Variants in PRTFDC1 observed in about 807,000 individuals in gnomAD.
PRTFDC1 encodes phosphoribosyltransferase domain-containing protein 1.
A neutral mutation model predicts 34.6 loss-of-function variants in PRTFDC1; 38 were observed. The observed-to-expected ratio is 1.10, with a 90% CI of 0.85 to 1.44. PRTFDC1 has a LOEUF of 1.44. Among genes scored for constraint, PRTFDC1 ranks in the 40% most tolerant of loss-of-function variants. The pLI is 0.00. For missense variants in PRTFDC1, 270 were observed against 283.0 expected, an observed-to-expected ratio of 0.95 and a Z score of 0.33; for synonymous variants, 93 against 98.1, an observed-to-expected ratio of 0.95 and a Z score of 0.31.
chr10:24,886,991 T>A, intron 3 of PRTFDC1, among the ~76,000 whole-genome samples: 1 of 125,810 alleles, frequency 7.9e-6, no homozygotes, highest in East Asian at 2.2e-4. Flanking sequence ...TGAGACGGAG[T>A]CTCGCTCTGT....
intron 3 of PRTFDC1, among the ~76,000 whole-genome samples, chr10:24,921,163 C>T (rs1848781373): frequency 6.6e-6 from 1 of 151,884 alleles, no homozygotes; most frequent in African/African-American, 2.4e-5. Context: ...GCTCAGATAT[C>T]GCTGGAGTAA....
At chr10:24,908,949 G>A (rs987075008) in intron 3 of PRTFDC1, 1 of 384,382 alleles carries the variant, frequency 2.6e-6, no homozygotes, top group Non-Finnish European at 4.6e-6. Context: ...TCTAAACAAG[G>A]CATCCAACCT....
intron 3 of PRTFDC1, chr10:24,908,270 T>C: frequency 1.9e-6 from 1 of 524,500 alleles, no homozygotes; most frequent in Non-Finnish European, 3.3e-6. Flanking sequence ...CCTCTGTCTT[T>C]TACGGAATAA....
intron 3 of PRTFDC1, among the ~76,000 whole-genome samples, chr10:24,916,133 C>A (rs1011049060): frequency 6.6e-6 from 1 of 152,164 alleles, no homozygotes; most frequent in Non-Finnish European, 1.5e-5. Flanking sequence ...TCAATGTCCA[C>A]TAATGTAAAA....
At chr10:24,940,208 T>G (rs1469112142) in intron 2 of PRTFDC1, among the ~76,000 whole-genome samples, 1 of 152,170 alleles carries the variant, frequency 6.6e-6, no homozygotes, top group East Asian at 1.9e-4. Context: ...TGGATCTAAT[T>G]AACACATATA....
intron 3 of PRTFDC1, among the ~76,000 whole-genome samples, chr10:24,884,620 T>G (rs1328158193): frequency 2.0e-5 from 3 of 152,244 alleles, no homozygotes; most frequent in Non-Finnish European, 1.5e-5. Flanking sequence ...GAAGAAGATT[T>G]TCTTTAGAAA....
chr10:24,874,721 C>T (rs1426007388), intron 3 of PRTFDC1, among the ~76,000 whole-genome samples: 1 of 152,174 alleles, frequency 6.6e-6, no homozygotes, highest in Admixed American at 6.5e-5. Context: ...TCCAAGTGTA[C>T]AAACGTGTTT....
At chr10:24,901,964 C>A (rs1327312505) in intron 3 of PRTFDC1, among the ~76,000 whole-genome samples, 2 of 152,188 alleles carry the variant, frequency 1.3e-5, no homozygotes, top group African/African-American at 2.4e-5. Flanking sequence ...AAGCCCCTTG[C>A]TGCAATTCCT....
intron 6 of PRTFDC1, among the ~76,000 whole-genome samples, chr10:24,856,060 G>T (rs561503507): frequency 3.5e-5 from 5 of 141,222 alleles, no homozygotes; most frequent in African/African-American, 1.3e-4. Context: ...GTTGCAGTGA[G>T]CTGAGATTGT....
rs1848576606 is a variant in PRTFDC1, at chr10:24,908,637, C to T, written c.339+28547G>A. On this transcript the variant is annotated intron_variant, in intron 3 of 8. Coordinates refer to ENST00000320152, the MANE Select transcript of PRTFDC1 (RefSeq NM_020200.7). ...CTACTCATATACCCTTGACTGAAGGCCAGTCCTCCTCTATCACAGATGGTT... is the reference window on the plus strand; with the variant it reads ...CTACTCATATACCCTTGACTGAAGGTCAGTCCTCCTCTATCACAGATGGTT... 3.1e-6 allele frequency: 5 copies of T among 1,611,928 alleles called. No homozygotes were observed. The East Asian group carries it at 1.1e-4, about 36-fold the overall frequency.
chr10:24,917,193 C>G (rs1441934276), intron 3 of PRTFDC1, among the ~76,000 whole-genome samples: 1 of 152,188 alleles, frequency 6.6e-6, no homozygotes, highest in African/African-American at 2.4e-5. Context: ...GGGAAGTAAA[C>G]CATTCCCTCT....
chr10:24,884,628 A>C (rs1848133643), intron 3 of PRTFDC1, among the ~76,000 whole-genome samples: 2 of 152,224 alleles, frequency 1.3e-5, no homozygotes, highest in African/African-American at 2.4e-5. Flanking sequence ...TTTTCTTTAG[A>C]AAGTTCTGTA....
chr10:24,871,721 A>G (rs925954676), intron 4 of PRTFDC1, among the ~76,000 whole-genome samples: 10 of 152,022 alleles, frequency 6.6e-5, no homozygotes, highest in African/African-American at 2.4e-4. Context: ...AGATGAGTAG[A>G]AAAGGATTAG....
intron 1 of PRTFDC1, among the ~76,000 whole-genome samples, chr10:24,951,762 C>T (rs1213216434): frequency 2.6e-5 from 4 of 152,088 alleles, no homozygotes; most frequent in African/African-American, 9.7e-5. Context: ...GGGTTGGATC[C>T]TAGCACACTG....
At chr10:24,854,870 A>G (rs1847545838) in intron 7 of PRTFDC1, among the ~76,000 whole-genome samples, 2 of 152,168 alleles carry the variant, frequency 1.3e-5, no homozygotes, top group African/African-American at 4.8e-5. Context: ...GTCTGGTAAT[A>G]GTTCCGGATG....
intron 1 of PRTFDC1, among the ~76,000 whole-genome samples, chr10:24,947,309 T>C (rs1481095513): frequency 6.6e-6 from 1 of 152,214 alleles, no homozygotes; most frequent in East Asian, 1.9e-4. Context: ...CTAACTTCAA[T>C]GGTGCATGCA....
intron 3 of PRTFDC1, among the ~76,000 whole-genome samples, chr10:24,896,392 A>G (rs1443268308): frequency 2.0e-5 from 3 of 152,162 alleles, no homozygotes; most frequent in Admixed American, 6.6e-5. Context: ...TAGTCCATGG[A>G]AAAGCTGTCT....
chr10:24,890,405 C>A (rs1463687256), intron 3 of PRTFDC1, among the ~76,000 whole-genome samples: 1 of 152,224 alleles, frequency 6.6e-6, no homozygotes, highest in Non-Finnish European at 1.5e-5. Flanking sequence ...CTCCAAATGT[C>A]AGGCACATCC....
At chr10:24,869,712 C>T (rs1847843396) in intron 4 of PRTFDC1, among the ~76,000 whole-genome samples, 1 of 152,160 alleles carries the variant, frequency 6.6e-6, no homozygotes, top group South Asian at 2.1e-4. Context: ...CATTCACTTC[C>T]TCAGTCCCCG....
Sources: gnomAD v4.1 joint callset for allele counts (sites outside exome capture counted in the v4.1 genomes callset) on GRCh38, gnomAD v4.1.1 for gene constraint, MANE v1.5 for transcripts, NCBI Gene and HGNC (gene_info 2026-07-23, HGNC 2026-07-21) for gene names.